Variants in LITAF observed in about 807,000 individuals in gnomAD.
LITAF encodes the protein lipopolysaccharide induced TNF factor.
LITAF carries 9 observed loss-of-function variants against 14.5 expected under a neutral mutation model. The ratio of observed to expected loss-of-function variants is 0.62; its 90% CI spans 0.37 to 1.08. The LOEUF is 1.08. Ranked by LOEUF, LITAF falls within the 50% of genes least tolerant of loss-of-function variation. LITAF has a pLI of 0.01. For missense variants in LITAF, 206 were observed against 213.4 expected (o/e 0.97, Z 0.22); for synonymous variants, 98 against 88.2 (o/e 1.11, Z -0.62).
intron 3 of LITAF, among the ~76,000 whole-genome samples, chr16:11,617,135 G>A (rs529503149): frequency 3.4e-4 from 51 of 152,004 alleles, no homozygotes; most frequent in African/African-American, 1.1e-3. Context: ...CAGGAGGATC[G>A]CTTGAACCCG....
At chr16:11,601,938 C>G (rs1159101668), upstream of LITAF, among the ~76,000 whole-genome samples, 3 of 152,184 alleles carry the variant, frequency 2.0e-5, no homozygotes, top group Non-Finnish European at 4.4e-5. Context: ...ATGGGATGTT[C>G]TTGCTCCTGT....
intron 1 of LITAF, among the ~76,000 whole-genome samples, chr16:11,560,676 G>C (rs1453066368): frequency 6.6e-6 from 1 of 152,176 alleles, no homozygotes; most frequent in Non-Finnish European, 1.5e-5. Flanking sequence ...TGAGCCGTGG[G>C]AGTCACAGAA....
rs769178755 is a variant in LITAF, at chr16:11,549,594, G to A, written c.*43C>T. 3.4e-6 allele frequency: 5 copies of A among 1,463,544 alleles called. No homozygotes were observed. The highest frequency in any genetic ancestry group is 1.4e-5 in the African/African-American group (1 of 71,748). The allele number at this position is 1,463,544 out of a possible 1,614,324, so 90.7% of individuals were successfully genotyped here. A position where few individuals can be genotyped will look rare whatever the true frequency, so the allele number is the denominator to read the frequency against. On this transcript the variant is annotated 3_prime_UTR_variant, in exon 4 of 4. Coordinates refer to ENST00000622633, the MANE Select transcript of LITAF (RefSeq NM_001136472.2). This position sits in a 1 kb window ranked among gnomAD's most constrained non-coding sequence, Gnocchi z 4.6. The stretch of plus-strand genomic sequence containing the variant: ...CGTGAAGCTGGATGAGAGGTGGAAA[G>A]GACTTCCTGCGGCACCCGGCTCCCT...
chr16:11,635,626 C>T (rs982113726), intron 2 of LITAF, among the ~76,000 whole-genome samples: 1 of 152,222 alleles, frequency 6.6e-6, no homozygotes, highest in African/African-American at 2.4e-5. Context: ...GCCGCAGTAG[C>T]CTCTGACCCC....
chr16:11,594,066 G>T (rs1053969716), intron 1 of LITAF, among the ~76,000 whole-genome samples: 3 of 151,834 alleles, frequency 2.0e-5, no homozygotes, highest in Non-Finnish European at 4.4e-5. Flanking sequence ...CACAGCTATA[G>T]TCCCAGCTAC....
At chr16:11,627,320 T>C (rs954203727) in intron 3 of LITAF, among the ~76,000 whole-genome samples, 45 of 152,184 alleles carry the variant, frequency 3.0e-4, no homozygotes, top group Non-Finnish European at 1.2e-4. Context: ...TGCCAGCAGG[T>C]AGAGCAAGCC....
Position 11,548,898 on chromosome 16 carries a change from G to GA in LITAF, c.*738dup, listed in dbSNP as rs1168133131. On this transcript the variant is annotated 3_prime_UTR_variant, in exon 4 of 4. Transcript: ENST00000622633. ...AACTGTTCATATAATTACTCTATGA[G>GA]AAAAAAATCCCTGTATGGAAAGGGG... 8.8e-6 allele frequency: 4 copies of GA among 453,684 alleles called. No individual in the cohort carries two copies. Among genetic ancestry groups the GA allele is most frequent in the African/African-American group, 4.0e-5 (2 of 49,918 alleles). 28.1% of individuals were successfully genotyped at this position (453,684 alleles called of 1,614,324 possible).
chr16:11,559,717 G>C (rs543172010), intron 1 of LITAF, among the ~76,000 whole-genome samples: 1 of 150,922 alleles, frequency 6.6e-6, no homozygotes, highest in African/African-American at 2.4e-5. Flanking sequence ...CTACTAGGCC[G>C]GGCATGGTGG....
intron 3 of LITAF, among the ~76,000 whole-genome samples, chr16:11,615,610 G>A (rs1238312142): frequency 3.9e-5 from 6 of 152,218 alleles, no homozygotes; most frequent in Non-Finnish European, 8.8e-5. Flanking sequence ...GGAGGTTGCA[G>A]TGAACCGAGA....
At chr16:11,584,831 C>T (rs1307703437) in intron 1 of LITAF, among the ~76,000 whole-genome samples, 1 of 152,114 alleles carries the variant, frequency 6.6e-6, no homozygotes, top group Admixed American at 6.6e-5. Flanking sequence ...TCTCAACAGC[C>T]CGCCCATAAA....
In LITAF at chr16:11,558,639, T is replaced by C. The variant is rs529314932; in HGVS notation, c.-5-1904A>G. 6.6e-6 allele frequency among the ~76,000 whole-genome samples: 1 copy of C among 152,018 alleles called. No individual in the cohort carries two copies. The highest frequency in any genetic ancestry group is 2.1e-4 in the South Asian group (1 of 4,804). On this transcript the variant is annotated intron_variant, in intron 1 of 3. Transcript: ENST00000622633. The surrounding 1 kb of genome is among the most constrained non-coding windows in gnomAD (Gnocchi z 4.1). ...AGGAGGATTGCTTAATCCTAGGAGGTTGAGGCTGCAGTGAGCCATGATCAC... is the reference window on the plus strand; with the variant it reads ...AGGAGGATTGCTTAATCCTAGGAGGCTGAGGCTGCAGTGAGCCATGATCAC...
chr16:11,613,186 C>T (rs531026488), intron 3 of LITAF, among the ~76,000 whole-genome samples: 24 of 152,196 alleles, frequency 1.6e-4, no homozygotes, highest in African/African-American at 5.5e-4. Context: ...ACTACAGGCA[C>T]CTACCACCAC....
upstream of LITAF, among the ~76,000 whole-genome samples, chr16:11,589,619 C>CT (rs60950577): frequency 0.56 from 58,640 of 103,904 alleles, 17,882 homozygotes; most frequent in Non-Finnish European, 0.6. Context: ...AAATCAGTTG[C>CT]TTTTTTTTTT....
Position 11,567,710 on chromosome 16 carries a change from C to T in LITAF, c.-5-10975G>A, listed in dbSNP as rs112350495. On this transcript the variant is annotated intron_variant, in intron 1 of 3. Transcript: ENST00000622633. Reference sequence around the variant, plus strand: ...GTCAAGAGGGTAGTTCCAGGCCGGGCATGGTGGCTCACGCCTGTAATCCCA... The same window carrying T: ...GTCAAGAGGGTAGTTCCAGGCCGGGTATGGTGGCTCACGCCTGTAATCCCA... Among the ~76,000 whole-genome samples, 592 of 152,218 alleles carry T rather than the reference C, an allele frequency of 3.9e-3. 1 individual carries two copies. Among genetic ancestry groups the T allele is most frequent in the African/African-American group, 0.014 (572 of 41,542 alleles).
chr16:11,620,068 T>C (rs1265146023), intron 3 of LITAF, among the ~76,000 whole-genome samples: 1 of 148,520 alleles, frequency 6.7e-6, no homozygotes, highest in East Asian at 2.0e-4. Flanking sequence ...CTTGGGAGGC[T>C]GAGGCAGGGA....
chr16:11,577,948 T>C (rs1366687132), intron 1 of LITAF, among the ~76,000 whole-genome samples: 2 of 152,034 alleles, frequency 1.3e-5, no homozygotes, highest in African/African-American at 4.8e-5. Context: ...CAGGCTGGCA[T>C]GCAATGGCTT....
rs144220674 is a variant in LITAF, at chr16:11,609,949, CCCCG to C, written c.85+23580_85+23583del. 7.4e-3 allele frequency among the ~76,000 whole-genome samples: 1,121 copies of C among 152,284 alleles called. 17 individuals carry two copies. Among genetic ancestry groups the C allele is most frequent in the African/African-American group, 0.025 (1,054 of 41,550 alleles). ...ACCTTCTCTCTCCAGGCCCAGAGGT[CCCCG>C]CCTGTCATTTACAGTTTCAAGGCAC... On this transcript the variant is annotated intron_variant, in intron 3 of 3. Transcript: ENST00000574848.
chr16:11,585,828 G>A (rs1291883616), intron 1 of LITAF, among the ~76,000 whole-genome samples: 1 of 152,148 alleles, frequency 6.6e-6, no homozygotes, highest in African/African-American at 2.4e-5. Flanking sequence ...AGACCCCGTG[G>A]CTTCCACAAA....
chr16:11,584,902 A>G (rs1179009239), intron 1 of LITAF, among the ~76,000 whole-genome samples: 1 of 152,168 alleles, frequency 6.6e-6, no homozygotes, highest in African/African-American at 2.4e-5. Context: ...ACTTCAATCT[A>G]CTATTTTAGA....
Sources: allele counts gnomAD v4.1 joint callset (sites outside exome capture counted in the v4.1 genomes callset), GRCh38; gene constraint gnomAD v4.1.1; non-coding constraint Gnocchi (gnomAD v3.1); transcripts MANE v1.5; gene names NCBI Gene and HGNC (gene_info 2026-07-23, HGNC 2026-07-21).